TRPC6: variants seen among roughly 807,000 people sequenced by gnomAD.
The protein encoded by TRPC6 is short transient receptor potential channel 6.
TRPC6 carries 55 observed loss-of-function variants against 90.7 expected under a neutral mutation model. The ratio of observed to expected loss-of-function variants is 0.61; its 90% CI spans 0.49 to 0.76. The LOEUF (loss-of-function observed/expected upper bound fraction) is 0.76. TRPC6 is among the 30% of genes least tolerant of loss of function. The pLI is 0.00. For synonymous variants in TRPC6, 393 were observed against 393.0 expected, an observed-to-expected ratio of 1.00 and a Z score of 0.00; for missense variants, 989 against 1,122.7, an observed-to-expected ratio of 0.88 and a Z score of 1.70.
chr11:101,567,247 C>A, intron 1 of TRPC6, among the ~76,000 whole-genome samples: 1 of 152,036 alleles, frequency 6.6e-6, no homozygotes. Context: ...AAACAAAGCC[C>A]TGGGGAAGTT....
At chr11:101,472,649 T>C (rs1859319174) in intron 7 of TRPC6, among the ~76,000 whole-genome samples, 1 of 152,196 alleles carries the variant, frequency 6.6e-6, no homozygotes, top group Non-Finnish European at 1.5e-5. Context: ...ATGGAATTGT[T>C]AGAATCCTTT....
intron 1 of TRPC6, among the ~76,000 whole-genome samples, chr11:101,531,087 T>C (rs545225355): frequency 8.3e-4 from 127 of 152,290 alleles, no homozygotes; most frequent in Middle Eastern, 3.4e-3. Flanking sequence ...GCTTAATGCA[T>C]ACACACACAT....
In TRPC6 at chr11:101,493,449, G is replaced by T. The variant is rs905260496; in HGVS notation, c.946-1711C>A. On this transcript the variant is annotated intron_variant, in intron 2 of 12. Coordinates refer to ENST00000344327, the MANE Select transcript of TRPC6 (RefSeq NM_004621.6). ...TCATTTAATCTTTACAATTGCTCAG[G>T]TTGAATTATGTGTCCAAAATCATGC... Among the ~76,000 whole-genome samples, 3 of 152,244 alleles carry T rather than the reference G, an allele frequency of 2.0e-5. No homozygotes were observed. The East Asian group carries it at 5.8e-4, about 29-fold the overall frequency.
intron 1 of TRPC6, among the ~76,000 whole-genome samples, chr11:101,582,624 A>C (rs1862222587): frequency 6.6e-6 from 1 of 151,968 alleles, no homozygotes; most frequent in Non-Finnish European, 1.5e-5. Context: ...AGCCCAATAC[A>C]AACGACCCGA....
Position 101,491,619 on chromosome 11 carries a change from A to C in TRPC6, c.1065T>G (p.Ser355Arg), listed in dbSNP as rs1036112313. Residue 355 changes from serine to arginine, a missense_variant, in exon 3 of 13, where the codon AGT becomes AGG. Physicochemically the swap from Ser to Arg is moderately radical, Grantham distance 110. This residue lies in a region of TRPC6 where 486 missense variants were observed against 591.9 expected (regional missense o/e 0.82). Transcript: ENST00000344327. ...TGAGATTTGGGCGACCGTGATCACC[A>C]CTCTGGAGCGTTTCAACATCCCCAT... ...ILNGDVETLQSGDHGRPNLSR... is the reference protein window; with the variant it reads ...ILNGDVETLQRGDHGRPNLSR... 4.3e-6 allele frequency: 7 copies of C among 1,613,880 alleles called. No homozygotes were observed. In the Admixed American group the frequency reaches 1.0e-4, roughly 23 times the overall value.
chr11:101,490,163 C>A (rs1392889696), intron 3 of TRPC6, among the ~76,000 whole-genome samples: 1 of 152,066 alleles, frequency 6.6e-6, no homozygotes, highest in East Asian at 1.9e-4. Flanking sequence ...AAATAAAAAT[C>A]TAATAACAAA....
At chr11:101,562,122 GA>G (rs1339776855) in intron 1 of TRPC6, among the ~76,000 whole-genome samples, 21 of 152,150 alleles carry the variant, frequency 1.4e-4, no homozygotes, top group Admixed American at 2.0e-4. Flanking sequence ...TTTGATTGGG[GA>G]TGGTTCCTAT....
chr11:101,459,780 C>G (rs940763141), intron 10 of TRPC6, among the ~76,000 whole-genome samples: 1 of 152,098 alleles, frequency 6.6e-6, no homozygotes, highest in African/African-American at 2.4e-5. Flanking sequence ...AATATAAGAG[C>G]CAATTACACT....
intron 1 of TRPC6, among the ~76,000 whole-genome samples, chr11:101,514,220 T>G (rs1357558913): frequency 6.6e-6 from 1 of 152,050 alleles, no homozygotes; most frequent in African/African-American, 2.4e-5. Flanking sequence ...TTCAACATGT[T>G]CTAGGCACTG....
At chr11:101,519,735 C>T (rs998462539) in intron 1 of TRPC6, 2 of 154,224 alleles carry the variant, frequency 1.3e-5, no homozygotes, top group East Asian at 2.0e-4. Context: ...AGAATCTGAA[C>T]ACCTCTTGCT....
chr11:101,511,850 A>G (rs1460205008), intron 1 of TRPC6, among the ~76,000 whole-genome samples: 3 of 151,974 alleles, frequency 2.0e-5, no homozygotes, highest in East Asian at 3.9e-4. Context: ...AAAATTAGCC[A>G]GGCATGGTGG....
At chr11:101,557,583 T>C (rs1190572779) in intron 1 of TRPC6, among the ~76,000 whole-genome samples, 1 of 151,490 alleles carries the variant, frequency 6.6e-6, no homozygotes, top group Non-Finnish European at 1.5e-5. Context: ...TGCTTGTAGA[T>C]AATATAATTT....
chr11:101,474,108 T>A (rs1859359502), intron 6 of TRPC6, among the ~76,000 whole-genome samples: 1 of 152,206 alleles, frequency 6.6e-6, no homozygotes, highest in Admixed American at 6.5e-5. Context: ...TAGTTTTGTT[T>A]CCCCATTTTT....
chr11:101,457,623 A>G (rs1858915404), intron 10 of TRPC6, among the ~76,000 whole-genome samples: 2 of 152,300 alleles, frequency 1.3e-5, no homozygotes, highest in African/African-American at 4.8e-5. Flanking sequence ...TGTGTTATAC[A>G]GTGCTTATAA....
At position 101,491,833 on chromosome 11, in the gene TRPC6, A is replaced by ATTTTTTTTTTTTTTTTTTTTTTTTT. The variant is rs200869151; in HGVS notation, c.946-96_946-95insAAAAAAAAAAAAAAAAAAAAAAAAA. 45 of 764,486 alleles carry ATTTTTTTTTTTTTTTTTTTTTTTTT rather than the reference A, an allele frequency of 5.9e-5. 7 individuals are homozygous for ATTTTTTTTTTTTTTTTTTTTTTTTT. The African/African-American group carries it at 1.2e-3, about 20-fold the overall frequency. 47.4% of individuals were successfully genotyped at this position (764,486 alleles called of 1,614,324 possible). A position where few individuals can be genotyped will look rare whatever the true frequency, so the allele number is the denominator to read the frequency against. On this transcript the variant is annotated intron_variant, in intron 2 of 12. Coordinates refer to ENST00000344327, the MANE Select transcript of TRPC6 (RefSeq NM_004621.6). ...AAGGATTTTATACTTTAAGAGAAAC[A>ATTTTTTTTTTTTTTTTTTTTTTTTT]TTCTTTTTTTTTTTTTTTTTTTTTT...
At chr11:101,459,229 A>G (rs1449025898) in intron 10 of TRPC6, among the ~76,000 whole-genome samples, 4 of 152,180 alleles carry the variant, frequency 2.6e-5, no homozygotes, top group African/African-American at 7.2e-5. Flanking sequence ...GATTATACCT[A>G]TGAGAGATAA....
At position 101,515,681 on chromosome 11, in the gene TRPC6, A is replaced by C. The variant is rs372606199; in HGVS notation, c.171-10883T>G. Among the ~76,000 whole-genome samples, 8 of 152,210 alleles carry C rather than the reference A, an allele frequency of 5.3e-5. No individual in the cohort carries two copies. The East Asian group carries it at 5.8e-4, about 11-fold the overall frequency. On this transcript the variant is annotated intron_variant, in intron 1 of 12. Transcript: ENST00000344327. Reference sequence around the variant, plus strand: ...TTAGAATTTCACAGTATTTTAAACAAATTTTTACTTGTCATAAAGTGAAAT... The same window carrying C: ...TTAGAATTTCACAGTATTTTAAACACATTTTTACTTGTCATAAAGTGAAAT...
chr11:101,499,813 A>T, intron 2 of TRPC6, among the ~76,000 whole-genome samples: 1 of 104,314 alleles, frequency 9.6e-6, no homozygotes, highest in Non-Finnish European at 1.9e-5. Flanking sequence ...ACACAGTATA[A>T]AATGTGTATA....
At position 101,504,418 on chromosome 11, in the gene TRPC6, G is replaced by A. The variant is rs200198559; in HGVS notation, c.551C>T (p.Pro184Leu). ...TAACCTCTTGCCTTCAGCAAAAGCC[G>A]GATGACTGAGAATTGCTTCCACAAT... ...VRIVEAILSH[P>L]AFAEGKRLAT... The change falls in exon 2 of 13, where the codon CCG becomes CTG. Residue 184 changes from proline to leucine, a missense_variant. This residue lies in a region of TRPC6 where 486 missense variants were observed against 591.9 expected (regional missense o/e 0.82). Coordinates refer to ENST00000344327, the MANE Select transcript of TRPC6 (RefSeq NM_004621.6). 45 of 1,614,024 alleles carry A rather than the reference G, an allele frequency of 2.8e-5. No individual in the cohort carries two copies. Among genetic ancestry groups the A allele is most frequent in the East Asian group, 4.5e-5 (2 of 44,872 alleles).
Sources: allele counts gnomAD v4.1 joint callset (sites outside exome capture counted in the v4.1 genomes callset), GRCh38; gene constraint gnomAD v4.1.1; regional missense constraint gnomAD v4.1.1; transcripts MANE v1.5; gene names NCBI Gene and HGNC (gene_info 2026-07-23, HGNC 2026-07-21).